The following NFIB variants were observed in gnomAD, a reference collection of about 807,000 sequenced individuals.
NFIB encodes the protein nuclear factor 1 B-type.
Under a neutral mutation model 61.5 loss-of-function variants are expected in NFIB, and 11 were observed. The ratio of observed to expected loss-of-function variants is 0.18; its 90% CI spans 0.11 to 0.30. NFIB has a LOEUF of 0.30. Ranked by LOEUF, NFIB falls within the 10% of genes least tolerant of loss-of-function variation. The probability of loss-of-function intolerance (pLI) is 1.00; values close to 1 mark genes in which losing one functional copy is unlikely to be tolerated. For missense variants in NFIB, 471 were observed against 608.9 expected, an observed-to-expected ratio of 0.77 and a Z score of 2.38; for synonymous variants, 260 against 216.5, an observed-to-expected ratio of 1.20 and a Z score of -1.76.
intron 4 of NFIB, among the ~76,000 whole-genome samples, chr9:14,153,975 C>A (rs2043126210): frequency 6.6e-6 from 1 of 152,012 alleles, no homozygotes; most frequent in Admixed American, 6.6e-5. Flanking sequence ...AATTAATGTG[C>A]TAATTACAAA....
chr9:14,313,391 G>GT lies in NFIB; in HGVS notation c.30+90dup, dbSNP rs2132757378. On this transcript the variant is annotated intron_variant, in intron 1 of 10. Coordinates refer to ENST00000380953, the MANE Select transcript of NFIB (RefSeq NM_001190737.2). The surrounding 1 kb of genome is among the most constrained non-coding windows in gnomAD (Gnocchi z 4.5). ...CTCCAAGGGACGGGGATGTGCGGAGGTTAACTCAAGCCGCTAATTGTCCGC... is the reference window on the plus strand; with the variant it reads ...CTCCAAGGGACGGGGATGTGCGGAGGTTTAACTCAAGCCGCTAATTGTCCGC... 3.2e-6 allele frequency: 5 copies of GT among 1,576,866 alleles called. No homozygotes were observed. In the South Asian group the frequency reaches 4.4e-5, roughly 14 times the overall value.
chr9:14,255,277 C>T lies in NFIB; in HGVS notation c.562+51712G>A, dbSNP rs576114912. On this transcript the variant is annotated intron_variant, in intron 2 of 10. Transcript: ENST00000380953. ...ACTTGGCTGAACCATGAGGAGTTAA[C>T]ACTTGGACATTTTTTGATTCTGCAA... Among the ~76,000 whole-genome samples, 17 of 152,242 alleles carry T rather than the reference C, an allele frequency of 1.1e-4. No homozygotes were observed. The South Asian group carries it at 3.3e-3, about 30-fold the overall frequency.
chr9:14,150,072 C>G (rs2042694376), intron 5 of NFIB, 73 bp downstream of exon 5: 6 of 1,584,360 alleles, frequency 3.8e-6, no homozygotes, highest in African/African-American at 2.7e-5. Context: ...ACCTACCTAT[C>G]TATCTGCCTA....
At chr9:14,483,729 A>T in the NFIB span, among the ~76,000 whole-genome samples, 1 of 152,212 alleles carries the variant, frequency 6.6e-6, no homozygotes, top group Admixed American at 6.5e-5. Flanking sequence ...CCTTACAGAC[A>T]TTTGATTGTC....
the NFIB span, among the ~76,000 whole-genome samples, chr9:14,522,393 T>C: frequency 6.6e-6 from 1 of 152,170 alleles, no homozygotes; most frequent in African/African-American, 2.4e-5. Flanking sequence ...ATAAAATGAA[T>C]AGCCTCACAT....
At chr9:14,221,071 G>C (rs1442017809) in intron 2 of NFIB, among the ~76,000 whole-genome samples, 2 of 152,052 alleles carry the variant, frequency 1.3e-5, no homozygotes, top group Non-Finnish European at 1.5e-5. Context: ...GCCAAATGTT[G>C]ACATACCAGG....
the NFIB span, among the ~76,000 whole-genome samples, chr9:14,434,189 A>T: frequency 5.3e-5 from 8 of 152,264 alleles, no homozygotes; most frequent in South Asian, 4.1e-4. Flanking sequence ...CTTGAAAATA[A>T]AATGAGCATT....
Position 14,329,899 on chromosome 9 carries a change from G to A in NFIB, c.109-22379C>T, listed in dbSNP as rs540825591. On this transcript the variant is annotated intron_variant, in intron 1 of 8. Transcript: ENST00000380934. ...AGCACTTTGGGAGGCTGAGGCAGGCGGATCACGAGGTCAGGAGATCAAGAC... is the reference window on the plus strand; with the variant it reads ...AGCACTTTGGGAGGCTGAGGCAGGCAGATCACGAGGTCAGGAGATCAAGAC... 1.9e-3 allele frequency among the ~76,000 whole-genome samples: 282 copies of A among 151,836 alleles called. 1 individual carries two copies. Among genetic ancestry groups the A allele is most frequent in the African/African-American group, 6.4e-3 (264 of 41,508 alleles).
Position 14,125,624 on chromosome 9 carries a change from C to G in NFIB, c.1060+8G>C. On this transcript the variant is annotated splice_region_variant and intron_variant, in intron 7 of 10. Coordinates refer to ENST00000380953, the MANE Select transcript of NFIB (RefSeq NM_001190737.2). ...GGAGGCTTCTCCTCTATGCTTGAAA[C>G]TCCTCACCACTGTGTGCAACTCCAG... 1.2e-6 allele frequency: 2 copies of G among 1,613,842 alleles called. No individual in the cohort carries two copies. The highest frequency in any genetic ancestry group is 1.7e-6 in the Non-Finnish European group (2 of 1,179,870).
At chr9:14,485,910 C>G in the NFIB span, among the ~76,000 whole-genome samples, 2 of 151,678 alleles carry the variant, frequency 1.3e-5, no homozygotes, top group African/African-American at 2.4e-5. Context: ...AACAACCCCC[C>G]CCACAACACA....
chr9:14,474,934 G>T, the NFIB span, among the ~76,000 whole-genome samples: 1 of 152,208 alleles, frequency 6.6e-6, no homozygotes, highest in Admixed American at 6.5e-5. Context: ...CCTTCACTCT[G>T]TCTTTCTATC....
chr9:14,318,558 T>C (rs1342383946), upstream of NFIB, among the ~76,000 whole-genome samples: 1 of 132,044 alleles, frequency 7.6e-6, no homozygotes, highest in Non-Finnish European at 1.5e-5. Context: ...TGCAAGAAGG[T>C]TCAACTATTC....
At chr9:14,211,291 A>C (rs1157819323) in intron 2 of NFIB, among the ~76,000 whole-genome samples, 1 of 152,192 alleles carries the variant, frequency 6.6e-6, no homozygotes, top group Non-Finnish European at 1.5e-5. Flanking sequence ...CACTCAAAAA[A>C]CATCCTGGAT....
the NFIB span, among the ~76,000 whole-genome samples, chr9:14,443,802 A>G: frequency 6.6e-6 from 1 of 152,196 alleles, no homozygotes; most frequent in East Asian, 1.9e-4. Flanking sequence ...GAAGACAGAA[A>G]CTGACTTACA....
At chr9:14,143,455 T>C (rs2041965311) in intron 6 of NFIB, among the ~76,000 whole-genome samples, 1 of 152,174 alleles carries the variant, frequency 6.6e-6, no homozygotes, top group Non-Finnish European at 1.5e-5. Flanking sequence ...TCCATAATTT[T>C]GTTATCTTTG....
At chr9:14,511,082 T>C in the NFIB span, among the ~76,000 whole-genome samples, 4 of 152,222 alleles carry the variant, frequency 2.6e-5, no homozygotes, top group African/African-American at 9.6e-5. Context: ...TGATAAATAT[T>C]GCCAATTTGC....
the NFIB span, among the ~76,000 whole-genome samples, chr9:14,413,705 G>C: frequency 6.6e-6 from 1 of 152,160 alleles, no homozygotes; most frequent in Non-Finnish European, 1.5e-5. Flanking sequence ...CTTCCCACCA[G>C]CTTGGGACAT....
chr9:14,296,247 C>T (rs772149796), intron 2 of NFIB, among the ~76,000 whole-genome samples: 8 of 152,156 alleles, frequency 5.3e-5, no homozygotes, highest in Non-Finnish European at 8.8e-5. Context: ...AACATTATTG[C>T]TTTTACTTAC....
chr9:14,469,659 C>A, the NFIB span, among the ~76,000 whole-genome samples: 1 of 152,160 alleles, frequency 6.6e-6, no homozygotes, highest in Non-Finnish European at 1.5e-5. Context: ...CCATTTTCCT[C>A]CCTCTTTCTA....
Sources: gnomAD v4.1 joint callset for allele counts (sites outside exome capture counted in the v4.1 genomes callset) on GRCh38, gnomAD v4.1.1 for gene constraint, Gnocchi (gnomAD v3.1) non-coding constraint, MANE v1.5 for transcripts, NCBI Gene and HGNC (gene_info 2026-07-23, HGNC 2026-07-21) for gene names.